Variants in ASPA observed in about 807,000 individuals in gnomAD.
The protein encoded by ASPA is aspartoacylase.
Under a neutral mutation model 29.6 loss-of-function variants are expected in ASPA, and 25 were observed. That is an observed-to-expected ratio of 0.85 (90% CI 0.62 to 1.18). ASPA has a LOEUF of 1.18. ASPA is among the 50% of genes most tolerant of loss of function. The pLI, the probability that ASPA is intolerant of heterozygous loss-of-function variation, is 0.00. For missense variants in ASPA, 333 were observed against 385.7 expected (o/e 0.86, Z 1.14); for synonymous variants, 131 against 130.3 (o/e 1.01, Z -0.04).
At chr17:3,495,706 T>C (rs1240054773) in intron 5 of ASPA, among the ~76,000 whole-genome samples, 5 of 152,120 alleles carry the variant, frequency 3.3e-5, no homozygotes, top group African/African-American at 7.2e-5. Flanking sequence ...GTAGCTGGGA[T>C]TACAGGCTCA....
intron 4 of ASPA, among the ~76,000 whole-genome samples, chr17:3,491,706 C>CG (rs2073827459): frequency 6.6e-6 from 1 of 151,840 alleles, no homozygotes; most frequent in Non-Finnish European, 1.5e-5. Context: ...CGAGTTCATG[C>CG]CACTGCACTC....
rs2073705995 is a variant in ASPA at position 3,485,695 on chromosome 17, T to C, written c.526+2103T>C. ...CTGACCCTCTCCTTATCAAGACCTG[T>C]CAAAGATCTGAGAAATTTTACCCGA... On this transcript the variant is annotated intron_variant, in intron 3 of 5. Coordinates refer to ENST00000263080, the MANE Select transcript of ASPA (RefSeq NM_000049.4). The surrounding 1 kb of genome is among the most constrained non-coding windows in gnomAD (Gnocchi z 4.4). Among the ~76,000 whole-genome samples, 2 of 152,192 alleles carry C rather than the reference T, an allele frequency of 1.3e-5. No homozygotes were observed. The highest frequency in any genetic ancestry group is 1.3e-4 in the Admixed American group (2 of 15,270).
intron 1 of ASPA, 111 bp downstream of exon 1, chr17:3,476,506 C>CATGTACGG: frequency 1.0e-6 from 1 of 1,001,464 alleles, no homozygotes. Flanking sequence ...TCCGTACATG[C>CATGTACGG]AGTCGTATGT....
In ASPA at chr17:3,499,052, G is replaced by A. The variant is rs371394875; in HGVS notation, c.906G>A (p.Thr302=). 3.2e-5 allele frequency: 51 copies of A among 1,613,876 alleles called. No individual in the cohort carries two copies. The highest frequency in any genetic ancestry group is 2.5e-4 in the Admixed American group (15 of 59,982). Residue 302 remains threonine, a synonymous_variant, in exon 6 of 6, where the codon ACG becomes ACA. Coordinates refer to ENST00000263080, the MANE Select transcript of ASPA (RefSeq NM_000049.4). ...CTTTTGCAAAGACAACTAAACTAAC[G>A]CTCAATGCAAAAAGTATTCGCTGCT... ...KEAFAKTTKL[T]LNAKSIRCCL... is the part of the protein sequence containing the mutation.
chr17:3,498,146 C>T (rs2073938298), intron 5 of ASPA, among the ~76,000 whole-genome samples: 1 of 152,148 alleles, frequency 6.6e-6, no homozygotes, highest in Non-Finnish European at 1.5e-5. Flanking sequence ...CAACATGGCT[C>T]ATTTTTATAT....
In ASPA at chr17:3,502,036, C is replaced by T. The variant is rs531708275; in HGVS notation, c.*2948C>T. On this transcript the variant is annotated 3_prime_UTR_variant, in exon 6 of 6. Transcript: ENST00000263080. ...TTTCATGCTACAGAGAAATCTTTCACGAAAGGAAGAGTCAATCAATGCAGC... is the reference window on the plus strand; with the variant it reads ...TTTCATGCTACAGAGAAATCTTTCATGAAAGGAAGAGTCAATCAATGCAGC... 3 of 152,230 alleles carry T rather than the reference C, an allele frequency of 2.0e-5. No individual in the cohort carries two copies. The highest frequency in any genetic ancestry group is 2.1e-4 in the South Asian group (1 of 4,818). The allele number at this position is 152,230 out of a possible 1,614,324, so 9.4% of individuals were successfully genotyped here.
At chr17:3,493,282 G>A (rs1432642377) in intron 4 of ASPA, among the ~76,000 whole-genome samples, 2 of 152,200 alleles carry the variant, frequency 1.3e-5, no homozygotes, top group Non-Finnish European at 2.9e-5. Flanking sequence ...AGAAAAAGAG[G>A]CTGGGCATGG....
At position 3,481,778 on chromosome 17, in the gene ASPA, C is replaced by T; in HGVS notation, c.412C>T (p.Gln138Ter). ...GGATTCCAGGAATAACTTTTTAATT[C>T]AGATGTTTCATTACATTAAGGTAAT... ...LEDSRNNFLI[Q>*]MFHYIKTSLA... Residue 138 changes from glutamine (Q) to a stop codon, truncating the protein, a stop_gained, in exon 2 of 6, where the codon CAG becomes TAG. Coordinates refer to ENST00000263080, the MANE Select transcript of ASPA (RefSeq NM_000049.4). LOFTEE classifies it high-confidence loss of function. 1 of 1,609,144 alleles carries T rather than the reference C, an allele frequency of 6.2e-7. No homozygotes were observed. The highest frequency in any genetic ancestry group is 8.5e-7 in the Non-Finnish European group (1 of 1,177,020).
At position 3,476,174 on chromosome 17, in the gene ASPA, C is replaced by A. The variant is rs749703107; in HGVS notation, c.15C>A (p.His5Gln). The A allele has an allele frequency of 6.2e-7, 1 of 1,613,836 alleles. No homozygotes were observed. The highest frequency in any genetic ancestry group is 8.5e-7 in the Non-Finnish European group (1 of 1,179,902). ...TACTTGGTGAAATGACTTCTTGTCA[C>A]ATTGCTGAAGAACATATACAAAAGG... MTSC[H>Q]IAEEHIQKVA... Residue 5 changes from histidine (H) to glutamine (Q), a missense_variant, in exon 1 of 6, where the codon CAC becomes CAA. By Grantham distance (24) the His-to-Gln change is conservative. Transcript: ENST00000263080.
intron 1 of ASPA, 59 bp from the exon 2 acceptor site, chr17:3,481,543 AT>A (rs2150746586): frequency 1.4e-6 from 2 of 1,470,782 alleles, no homozygotes; most frequent in South Asian, 2.4e-5. Flanking sequence ...TGTTCTTATT[AT>A]ATGTTTATAT....
intron 1 of ASPA, among the ~76,000 whole-genome samples, chr17:3,478,142 G>A (rs2073563447): frequency 1.3e-5 from 2 of 152,022 alleles, no homozygotes; most frequent in Admixed American, 6.6e-5. Flanking sequence ...CAGAGATGGT[G>A]CCACTGCACT....
intron 3 of ASPA, among the ~76,000 whole-genome samples, chr17:3,486,636 T>C (rs1423260146): frequency 1.3e-5 from 2 of 152,204 alleles, no homozygotes; most frequent in Non-Finnish European, 2.9e-5. Context: ...TAATTAATTA[T>C]CTGCAGACTA....
rs2073696318 is a variant in ASPA, at chr17:3,485,077, G to A, written c.526+1485G>A. Among the ~76,000 whole-genome samples, 2 of 151,858 alleles carry A rather than the reference G, an allele frequency of 1.3e-5. No homozygotes were observed. The highest frequency in any genetic ancestry group is 1.3e-4 in the Admixed American group (2 of 15,250). On this transcript the variant is annotated intron_variant, in intron 3 of 5. Coordinates refer to ENST00000263080, the MANE Select transcript of ASPA (RefSeq NM_000049.4). This position sits in a 1 kb window ranked among gnomAD's most constrained non-coding sequence, Gnocchi z 4.4. The stretch of plus-strand genomic sequence containing the variant: ...CTCTGTTGCCCAGGCTGAGTGTAGT[G>A]GCACGATCACAGTTCACTGCAGCCT...
At chr17:3,486,393 G>C (rs2073722175) in intron 3 of ASPA, among the ~76,000 whole-genome samples, 1 of 152,180 alleles carries the variant, frequency 6.6e-6, no homozygotes, top group South Asian at 2.1e-4. Flanking sequence ...TTGCAGATAT[G>C]CAGAAGATCC....
Position 3,498,980 on chromosome 17 carries a change from G to A in ASPA, c.834G>A (p.Val278=), listed in dbSNP as rs1280988827. 2.5e-6 allele frequency: 4 copies of A among 1,614,182 alleles called. No homozygotes were observed. Among genetic ancestry groups the A allele is most frequent in the Non-Finnish European group, 2.5e-6 (3 of 1,180,022 alleles). ...TCCCACTGGGCGGAGACTGTACCGT[G>A]TACCCCGTGTTTGTGAATGAGGCCG... The part of the protein sequence containing the change: ...KTIPLGGDCT[V]YPVFVNEAAY... Residue 278 remains valine (V), a synonymous_variant, in exon 6 of 6, where the codon GTG becomes GTA. Transcript: ENST00000263080.
At chr17:3,494,121 G>T (rs1301652148) in intron 4 of ASPA, among the ~76,000 whole-genome samples, 1 of 150,770 alleles carries the variant, frequency 6.6e-6, no homozygotes, top group African/African-American at 2.4e-5. Flanking sequence ...CACCTCCCAG[G>T]TTCAAGAGAT....
chr17:3,478,171 C>T (rs148634426), intron 1 of ASPA, among the ~76,000 whole-genome samples: 3,388 of 151,110 alleles, frequency 0.022, 52 homozygotes, highest in Non-Finnish European at 0.036. Flanking sequence ...GGTGACAGAG[C>T]GAGACTCCGT....
intron 3 of ASPA, among the ~76,000 whole-genome samples, chr17:3,487,185 G>A (rs571950086): frequency 7.2e-5 from 11 of 152,188 alleles, no homozygotes; most frequent in African/African-American, 1.2e-4. Context: ...GAGTACAAAG[G>A]TGGTCCTTGT....
In ASPA at chr17:3,500,811, C is replaced by T. The variant is rs1314203966; in HGVS notation, c.*1723C>T. ...GAGCCACCACGCCCGGCCCAAAAATCGTAGGACTCTGAAGACTGATGCTAA... is the reference window on the plus strand; with the variant it reads ...GAGCCACCACGCCCGGCCCAAAAATTGTAGGACTCTGAAGACTGATGCTAA... On this transcript the variant is annotated 3_prime_UTR_variant, in exon 6 of 6. Transcript: ENST00000263080. 2.0e-5 allele frequency: 3 copies of T among 152,180 alleles called. No individual in the cohort carries two copies. Among genetic ancestry groups the T allele is most frequent in the African/African-American group, 4.8e-5 (2 of 41,398 alleles). 9.4% of individuals were successfully genotyped at this position (152,180 alleles called of 1,614,324 possible).
Sources: allele counts gnomAD v4.1 joint callset (sites outside exome capture counted in the v4.1 genomes callset), GRCh38; gene constraint gnomAD v4.1.1; non-coding constraint Gnocchi (gnomAD v3.1); transcripts MANE v1.5; gene names NCBI Gene and HGNC (gene_info 2026-07-23, HGNC 2026-07-21).